Variants in GTF2IRD1 observed in about 807,000 individuals in gnomAD.
GTF2IRD1 encodes the protein general transcription factor II-I repeat domain-containing protein 1.
A neutral mutation model predicts 113.2 loss-of-function variants in GTF2IRD1; 26 were observed. That is an observed-to-expected ratio of 0.23 (90% CI 0.17 to 0.32). The LOEUF is 0.32. Ranked by LOEUF, GTF2IRD1 falls within the 10% of genes least tolerant of loss-of-function variation. GTF2IRD1 has a pLI of 1.00. For missense variants in GTF2IRD1, 864 were observed against 1,280.8 expected (o/e 0.67, Z 4.97); for synonymous variants, 484 against 529.1 (o/e 0.91, Z 1.17).
At chr7:74,587,007 G>A (rs1183267305) in intron 22 of GTF2IRD1, among the ~76,000 whole-genome samples, 1 of 152,088 alleles carries the variant, frequency 6.6e-6, no homozygotes, top group Admixed American at 6.5e-5. Flanking sequence ...ACTTAGTCTG[G>A]CATGGTGATT....
At position 74,480,751 on chromosome 7, in the gene GTF2IRD1, G is replaced by A. The variant is rs114862494; in HGVS notation, c.-7+26575G>A. 5.3e-3 allele frequency among the ~76,000 whole-genome samples: 811 copies of A among 152,304 alleles called. 11 individuals carry two copies. The highest frequency in any genetic ancestry group is 0.018 in the African/African-American group (747 of 41,574). On this transcript the variant is annotated intron_variant, in intron 1 of 26. Coordinates refer to ENST00000424337, the MANE Select transcript of GTF2IRD1 (RefSeq NM_005685.4). ...GACCCCGCATACTGCCGGCGGCGGC[G>A]GAGTCCCTCCGTGCCCGCCCCGGGG...
At chr7:74,590,135 A>G (rs374686037) in intron 23 of GTF2IRD1, among the ~76,000 whole-genome samples, 72 of 151,776 alleles carry the variant, frequency 4.7e-4, no homozygotes, top group African/African-American at 1.6e-3. Flanking sequence ...AAGCTGGAGT[A>G]CAGTGGCGTA....
At chr7:74,588,516 C>A (rs1305216393) in intron 22 of GTF2IRD1, among the ~76,000 whole-genome samples, 1 of 151,916 alleles carries the variant, frequency 6.6e-6, no homozygotes, top group South Asian at 2.1e-4. Context: ...CTTTTTGGAG[C>A]CCATTTTTTG....
At chr7:74,504,471 A>G (rs1796197723) in intron 1 of GTF2IRD1, among the ~76,000 whole-genome samples, 1 of 152,156 alleles carries the variant, frequency 6.6e-6, no homozygotes, top group Non-Finnish European at 1.5e-5. Context: ...GCTGTGTGTC[A>G]GCTCTGCGTG....
Position 74,557,482 on chromosome 7 carries a change from C to G in GTF2IRD1, c.2024-157C>G, listed in dbSNP as rs148297015. Among the ~76,000 whole-genome samples, 7 of 152,316 alleles carry G rather than the reference C, an allele frequency of 4.6e-5. No homozygotes were observed. The East Asian group carries it at 1.3e-3, about 29-fold the overall frequency. The stretch of plus-strand genomic sequence containing the variant: ...CCTTCTGAAAAAAAGACATCTCCAT[C>G]AACATGTCGGTGCTGAAGGACCTGA... On this transcript the variant is annotated intron_variant, in intron 19 of 26. Transcript: ENST00000424337.
At chr7:74,549,810 C>T (rs1799191925) in intron 17 of GTF2IRD1, among the ~76,000 whole-genome samples, 1 of 152,014 alleles carries the variant, frequency 6.6e-6, no homozygotes, top group South Asian at 2.1e-4. Flanking sequence ...CCGAGTTAGG[C>T]AGATCACCTG....
chr7:74,575,790 T>C (rs1245328027), intron 22 of GTF2IRD1, among the ~76,000 whole-genome samples: 1 of 152,154 alleles, frequency 6.6e-6, no homozygotes, highest in East Asian at 1.9e-4. Context: ...TGGGGTCTCA[T>C]CCAGTCGAAG....
chr7:74,569,844 TG>T (rs1800584579), intron 22 of GTF2IRD1, among the ~76,000 whole-genome samples: 1 of 151,888 alleles, frequency 6.6e-6, no homozygotes, highest in Non-Finnish European at 1.5e-5. Flanking sequence ...TGTGGGCTTG[TG>T]AGACACATCC....
chr7:74,521,308 GC>G lies in GTF2IRD1; in HGVS notation c.1006+14del. ...TCCATGACAAGTCAGGTAGGACAGCGCCCACGAAGCACCCCGGCCTGAGTGG... is the reference window on the plus strand; with the variant it reads ...TCCATGACAAGTCAGGTAGGACAGCGCCACGAAGCACCCCGGCCTGAGTGG... On this transcript the variant is annotated intron_variant, in intron 7 of 26. Coordinates refer to ENST00000424337, the MANE Select transcript of GTF2IRD1 (RefSeq NM_005685.4). 1 of 1,544,772 alleles carries G rather than the reference GC, an allele frequency of 6.5e-7. No individual in the cohort carries two copies. Among genetic ancestry groups the G allele is most frequent in the South Asian group, 1.1e-5 (1 of 89,670 alleles).
intron 17 of GTF2IRD1, among the ~76,000 whole-genome samples, chr7:74,554,963 CT>C (rs1554356243): frequency 6.6e-6 from 1 of 152,116 alleles, no homozygotes; most frequent in East Asian, 1.9e-4. Flanking sequence ...CTGTTCAGGA[CT>C]GGGGGGGGTC....
chr7:74,517,427 C>CTTTTTTT lies in GTF2IRD1; in HGVS notation c.422-695_422-689dup, dbSNP rs59499031. Among the ~76,000 whole-genome samples, 51 of 77,396 alleles carry CTTTTTTT rather than the reference C, an allele frequency of 6.6e-4. 1 individual carries two copies. The highest frequency in any genetic ancestry group is 4.5e-3 in the East Asian group (10 of 2,210). 50.8% of individuals were successfully genotyped at this position (77,396 alleles called of 152,430 possible). ...GGTCTCTCTCCCTTCCTCCCTACAC[C>CTTTTTTT]TTTTTTTTTTTTTTTTTTTTTTTGA... On this transcript the variant is annotated intron_variant, in intron 4 of 26. Transcript: ENST00000424337.
intron 17 of GTF2IRD1, among the ~76,000 whole-genome samples, chr7:74,549,993 C>T (rs587729547): frequency 6.6e-5 from 10 of 151,460 alleles, no homozygotes; most frequent in South Asian, 6.3e-4. Context: ...GCCGAGATCA[C>T]GCCGTTGCAC....
intron 1 of GTF2IRD1, among the ~76,000 whole-genome samples, chr7:74,462,110 A>G (rs1441643983): frequency 6.6e-6 from 1 of 152,072 alleles, no homozygotes; most frequent in Non-Finnish European, 1.5e-5. Flanking sequence ...GAGGTGGCTC[A>G]TGCCTGTAGC....
At chr7:74,486,053 C>T (rs1795006020) in intron 1 of GTF2IRD1, among the ~76,000 whole-genome samples, 1 of 151,968 alleles carries the variant, frequency 6.6e-6, no homozygotes, top group African/African-American at 2.4e-5. Flanking sequence ...TCACTGCAAC[C>T]TCCGCCTCCC....
intron 14 of GTF2IRD1, among the ~76,000 whole-genome samples, chr7:74,544,087 T>G (rs1554352491): frequency 6.6e-6 from 1 of 152,090 alleles, no homozygotes; most frequent in African/African-American, 2.4e-5. Flanking sequence ...CCACTAGTAT[T>G]CCTAGCATCT....
intron 11 of GTF2IRD1, 87 bp downstream of exon 11, chr7:74,536,362 G>A (rs999502673): frequency 2.7e-5 from 20 of 752,518 alleles, no homozygotes; most frequent in South Asian, 7.8e-5. Flanking sequence ...TACCCAGGGC[G>A]GCTCCCACCA....
intron 22 of GTF2IRD1, among the ~76,000 whole-genome samples, chr7:74,568,339 A>AAAAAAAT (rs1291062373): frequency 2.0e-5 from 3 of 148,058 alleles, no homozygotes; most frequent in Non-Finnish European, 4.5e-5. Context: ...TCTCTATTTA[A>AAAAAAAT]AAAAAAAAAA....
chr7:74,550,886 T>C (rs1303628337), intron 17 of GTF2IRD1, among the ~76,000 whole-genome samples: 5 of 151,964 alleles, frequency 3.3e-5, no homozygotes, highest in African/African-American at 4.8e-5. Context: ...ATTAAAAAAT[T>C]AGCCAGGTGC....
chr7:74,513,077 T>C lies in GTF2IRD1; in HGVS notation c.265+106T>C, dbSNP rs146892455. ...CCTGTCTAGCCAGGGTGGCGGTGTG[T>C]GGGGAGTGAACCTAACAAGCTAGGT... On this transcript the variant is annotated intron_variant, in intron 3 of 26. Transcript: ENST00000424337. The C allele has an allele frequency of 2.2e-3, 2,436 of 1,105,072 alleles. 3 individuals carry two copies. The highest frequency in any genetic ancestry group is 2.8e-3 in the Non-Finnish European group (2,119 of 762,270). The allele number at this position is 1,105,072 out of a possible 1,614,324, so 68.5% of individuals were successfully genotyped here.
Sources: allele counts gnomAD v4.1 joint callset (sites outside exome capture counted in the v4.1 genomes callset), GRCh38; gene constraint gnomAD v4.1.1; transcripts MANE v1.5; gene names NCBI Gene and HGNC (gene_info 2026-07-23, HGNC 2026-07-21).